BBS9: variants seen among roughly 807,000 people sequenced by gnomAD.
BBS9 encodes the protein protein PTHB1.
In BBS9, 89 loss-of-function variants were observed where a neutral mutation model predicts 117.7. That is an observed-to-expected ratio of 0.76 (90% CI 0.64 to 0.90). The LOEUF is 0.90. Ranked by LOEUF, BBS9 falls within the 40% of genes least tolerant of loss-of-function variation. The pLI is 0.00. For missense variants in BBS9, 982 were observed against 1,042.2 expected (o/e 0.94, Z 0.80); for synonymous variants, 379 against 370.9 (o/e 1.02, Z -0.25).
intron 21 of BBS9, among the ~76,000 whole-genome samples, chr7:33,557,097 G>T (rs2129104225): frequency 6.6e-6 from 1 of 152,108 alleles, no homozygotes; most frequent in Non-Finnish European, 1.5e-5. Flanking sequence ...CTGGCTTCAG[G>T]TCTCCTACAA....
rs577100263 is a variant in BBS9 at position 33,160,427 on chromosome 7, A to G, written c.328+4725A>G. Among the ~76,000 whole-genome samples the G allele has an allele frequency of 5.0e-4, 76 of 152,316 alleles. No individual in the cohort carries two copies. In the South Asian group the frequency reaches 9.5e-3, roughly 19 times the overall value. On this transcript the variant is annotated intron_variant, in intron 4 of 22. Coordinates refer to ENST00000242067, the MANE Select transcript of BBS9 (RefSeq NM_198428.3). Reference sequence around the variant, plus strand: ...TATCTATTGAGGCATAAGGTATTCCATGTATAAGGCTGGCTGCAAAATCCT... The same window carrying G: ...TATCTATTGAGGCATAAGGTATTCCGTGTATAAGGCTGGCTGCAAAATCCT...
chr7:33,308,808 A>G (rs1808566076), intron 9 of BBS9, among the ~76,000 whole-genome samples: 3 of 152,214 alleles, frequency 2.0e-5, no homozygotes, highest in Admixed American at 1.3e-4. Context: ...CGTAGCTTCT[A>G]TGGGGCAAAT....
chr7:33,162,788 G>T (rs942573177), intron 4 of BBS9, among the ~76,000 whole-genome samples: 1 of 152,066 alleles, frequency 6.6e-6, no homozygotes. Flanking sequence ...GGGACAATTT[G>T]ATTTCCCTTT....
intron 19 of BBS9, among the ~76,000 whole-genome samples, chr7:33,503,228 T>C (rs1262318133): frequency 6.6e-6 from 1 of 152,158 alleles, no homozygotes; most frequent in Non-Finnish European, 1.5e-5. Flanking sequence ...CAGCAGAGCG[T>C]TAAACAAGTT....
At chr7:33,150,163 T>G (rs1432405357) in intron 2 of BBS9, among the ~76,000 whole-genome samples, 2 of 152,202 alleles carry the variant, frequency 1.3e-5, no homozygotes, top group Non-Finnish European at 2.9e-5. Context: ...TGAATGAGCT[T>G]CTCAGTGATT....
At chr7:33,569,855 G>A (rs944989390) in intron 21 of BBS9, among the ~76,000 whole-genome samples, 1 of 152,210 alleles carries the variant, frequency 6.6e-6, no homozygotes, top group Non-Finnish European at 1.5e-5. Context: ...CCCTAGCTCT[G>A]TCTGAAGAGG....
At position 33,534,037 on chromosome 7, in the gene BBS9, CCTCAACAGCCAG is replaced by C; in HGVS notation, c.2385_2396del (p.Ser797_Asn800del). 2 of 1,614,190 alleles carry C rather than the reference CCTCAACAGCCAG, an allele frequency of 1.2e-6. No homozygotes were observed. The highest frequency in any genetic ancestry group is 1.7e-6 in the Non-Finnish European group (2 of 1,180,044). On this transcript the variant is annotated inframe_deletion, in exon 21 of 23. Coordinates refer to ENST00000242067, the MANE Select transcript of BBS9 (RefSeq NM_198428.3). Reference sequence around the variant, plus strand: ...AGAGTTCTAAGGAGCAGGCTTTGAACCTCAACAGCCAGCTGAACATACCCAAAGACACAAGCC... The same window carrying C: ...AGAGTTCTAAGGAGCAGGCTTTGAACCTGAACATACCCAAAGACACAAGCC...
At chr7:33,160,000 A>G (rs1472404233) in intron 4 of BBS9, among the ~76,000 whole-genome samples, 1 of 152,202 alleles carries the variant, frequency 6.6e-6, no homozygotes, top group Non-Finnish European at 1.5e-5. Flanking sequence ...CTGAATCTCT[A>G]TAATGCTCAA....
intron 21 of BBS9, among the ~76,000 whole-genome samples, chr7:33,558,371 G>A (rs1488268712): frequency 6.6e-6 from 1 of 152,134 alleles, no homozygotes; most frequent in Non-Finnish European, 1.5e-5. Context: ...GGTGAGGATG[G>A]ATGGGAAGGA....
At chr7:33,555,462 C>T (rs1271483045) in intron 21 of BBS9, among the ~76,000 whole-genome samples, 1 of 152,126 alleles carries the variant, frequency 6.6e-6, no homozygotes, top group Non-Finnish European at 1.5e-5. Context: ...AGCAGATACT[C>T]AATTACAAAA....
intron 9 of BBS9, among the ~76,000 whole-genome samples, chr7:33,335,764 A>G (rs1815224027): frequency 6.6e-6 from 1 of 152,256 alleles, no homozygotes; most frequent in East Asian, 1.9e-4. Flanking sequence ...AGTAAATGGG[A>G]CAATTGGCTG....
At chr7:33,261,785 G>A (rs1358145026) in intron 6 of BBS9, among the ~76,000 whole-genome samples, 2 of 152,142 alleles carry the variant, frequency 1.3e-5, no homozygotes, top group African/African-American at 4.8e-5. Context: ...GAGTCAAAAA[G>A]CACCACCGTT....
intron 21 of BBS9, among the ~76,000 whole-genome samples, chr7:33,613,932 G>T (rs1308650066): frequency 1.4e-4 from 22 of 152,018 alleles, no homozygotes; most frequent in Non-Finnish European, 4.4e-5. Context: ...ATTTAAGAAA[G>T]AACAACCATA....
At chr7:33,460,108 A>G (rs950044465) in intron 19 of BBS9, among the ~76,000 whole-genome samples, 1 of 152,138 alleles carries the variant, frequency 6.6e-6, no homozygotes, top group South Asian at 2.1e-4. Flanking sequence ...ATAGCCTCCT[A>G]CAGCTGAAAG....
intron 5 of BBS9, among the ~76,000 whole-genome samples, chr7:33,192,570 A>G (rs1188192003): frequency 6.6e-6 from 1 of 152,194 alleles, no homozygotes; most frequent in East Asian, 1.9e-4. Flanking sequence ...TTCAGTCTAT[A>G]TACTTGGAAT....
chr7:33,220,387 G>A (rs1186457701), intron 5 of BBS9, among the ~76,000 whole-genome samples: 3 of 152,186 alleles, frequency 2.0e-5, no homozygotes, highest in African/African-American at 7.2e-5. Context: ...GTTGCTAAAT[G>A]TGAGAAGCTC....
At chr7:33,522,376 G>A (rs1165841313) in intron 20 of BBS9, among the ~76,000 whole-genome samples, 2 of 149,962 alleles carry the variant, frequency 1.3e-5, no homozygotes, top group Admixed American at 6.6e-5. Flanking sequence ...GTGTAAAAGT[G>A]TTCCTATTTC....
At chr7:33,396,136 C>T (rs1429390177) in intron 19 of BBS9, among the ~76,000 whole-genome samples, 2 of 151,980 alleles carry the variant, frequency 1.3e-5, no homozygotes, top group Admixed American at 6.6e-5. Flanking sequence ...GGAATTTGTA[C>T]ATTTTTACCC....
intron 4 of BBS9, among the ~76,000 whole-genome samples, chr7:33,172,402 A>G (rs1236050890): frequency 6.6e-6 from 1 of 151,980 alleles, no homozygotes; most frequent in Non-Finnish European, 1.5e-5. Flanking sequence ...AATAAAAAAA[A>G]AAAATGAAAA....
Sources: allele counts gnomAD v4.1 joint callset (sites outside exome capture counted in the v4.1 genomes callset), GRCh38; gene constraint gnomAD v4.1.1; transcripts MANE v1.5; gene names NCBI Gene and HGNC (gene_info 2026-07-23, HGNC 2026-07-21).